Variants in CCDC158 observed in about 807,000 individuals in gnomAD.
CCDC158 encodes the protein coiled-coil domain containing 158.
A neutral mutation model predicts 138.6 loss-of-function variants in CCDC158; 116 were observed. The observed-to-expected ratio is 0.84, with a 90% CI of 0.72 to 0.98. The LOEUF (loss-of-function observed/expected upper bound fraction) is 0.98. CCDC158 is among the 50% of genes least tolerant of loss of function. The pLI, the probability that CCDC158 is intolerant of heterozygous loss-of-function variation, is 0.00. For missense variants in CCDC158, 1,265 were observed against 1,306.1 expected (o/e 0.97, Z 0.48); for synonymous variants, 436 against 442.4 (o/e 0.99, Z 0.18).
intron 9 of CCDC158, among the ~76,000 whole-genome samples, chr4:76,371,766 CG>C (rs1269110608): frequency 6.6e-6 from 1 of 151,942 alleles, no homozygotes; most frequent in Non-Finnish European, 1.5e-5. Flanking sequence ...GGCAAAATCC[CG>C]TCTCTACTAA....
At chr4:76,330,626 A>C (rs998378625) in intron 21 of CCDC158, among the ~76,000 whole-genome samples, 1 of 152,196 alleles carries the variant, frequency 6.6e-6, no homozygotes, top group Non-Finnish European at 1.5e-5. Flanking sequence ...TCTATACTGA[A>C]CATGTACAGG....
At chr4:76,324,279 C>T (rs1720320136) in intron 23 of CCDC158, among the ~76,000 whole-genome samples, 1 of 151,712 alleles carries the variant, frequency 6.6e-6, no homozygotes. Flanking sequence ...CCTCTGCCTC[C>T]CGGGTTCAAG....
Position 76,313,204 on chromosome 4 carries a change from T to G in CCDC158, c.3320A>C (p.Lys1107Thr). 2 of 1,609,398 alleles carry G rather than the reference T, an allele frequency of 1.2e-6. No individual in the cohort carries two copies. Among genetic ancestry groups the G allele is most frequent in the Non-Finnish European group, 1.7e-6 (2 of 1,177,420 alleles). The change falls in exon 25 of 25, where the codon AAA becomes ACA. Residue 1107 changes from lysine (K) to threonine (T), a missense_variant. Physicochemically the swap from Lys to Thr is moderately conservative, Grantham distance 78. Coordinates refer to ENST00000682701, the MANE Select transcript of CCDC158 (RefSeq NM_001394954.1). ...TAACATTTTTTCCTGGTCTTTTACTTTCTGTATCCTCTTTTCTTGATTTCT... is the reference window on the plus strand; with the variant it reads ...TAACATTTTTTCCTGGTCTTTTACTGTCTGTATCCTCTTTTCTTGATTTCT... Reference protein sequence around the residue: ...MIRNQEKRIQKVKDQEKMLLK With the variant: ...MIRNQEKRIQTVKDQEKMLLK
intron 16 of CCDC158, chr4:76,352,481 T>G (rs938035709): frequency 6.6e-6 from 1 of 152,176 alleles, no homozygotes; most frequent in Non-Finnish European, 1.5e-5. Context: ...ATAGCATGTT[T>G]TAAGAAACAA....
chr4:76,420,304 A>G (rs1730012999), intron 1 of CCDC158, among the ~76,000 whole-genome samples: 1 of 152,174 alleles, frequency 6.6e-6, no homozygotes, highest in Non-Finnish European at 1.5e-5. Context: ...TGAGAGAAGC[A>G]GCAAGAACTG....
chr4:76,364,680 G>A (rs17001811), intron 12 of CCDC158, among the ~76,000 whole-genome samples: 4,635 of 152,104 alleles, frequency 0.03, 218 homozygotes, highest in African/African-American at 0.1. Flanking sequence ...AGATCCTTCC[G>A]AATAAGTGAC....
chr4:76,381,650 T>A (rs1037249902), intron 8 of CCDC158, among the ~76,000 whole-genome samples: 1 of 152,150 alleles, frequency 6.6e-6, no homozygotes, highest in Non-Finnish European at 1.5e-5. Context: ...CTTAAATGAG[T>A]TAAGACTAGG....
chr4:76,364,702 A>T (rs1168952540), intron 12 of CCDC158, among the ~76,000 whole-genome samples: 1 of 152,234 alleles, frequency 6.6e-6, no homozygotes, highest in Non-Finnish European at 1.5e-5. Context: ...TTTGAAAAAA[A>T]TATTGACTTT....
chr4:76,336,041 G>T (rs1400114248), intron 18 of CCDC158, among the ~76,000 whole-genome samples: 1 of 151,418 alleles, frequency 6.6e-6, no homozygotes, highest in Non-Finnish European at 1.5e-5. Context: ...AATTAGCCGG[G>T]CATGGTGGCA....
chr4:76,417,408 G>C (rs1729783985), intron 1 of CCDC158, among the ~76,000 whole-genome samples: 1 of 152,176 alleles, frequency 6.6e-6, no homozygotes, highest in Non-Finnish European at 1.5e-5. Flanking sequence ...GACTTTGGGG[G>C]ACTACTGGTA....
intron 13 of CCDC158, among the ~76,000 whole-genome samples, chr4:76,361,727 C>T (rs1724167457): frequency 6.6e-6 from 1 of 152,172 alleles, no homozygotes; most frequent in Non-Finnish European, 1.5e-5. Context: ...TCACATGTCA[C>T]TTCATTAGTA....
chr4:76,366,390 A>G (rs1405179413), intron 12 of CCDC158, among the ~76,000 whole-genome samples: 4 of 152,240 alleles, frequency 2.6e-5, no homozygotes, highest in Non-Finnish European at 4.4e-5. Flanking sequence ...CATCTACAGT[A>G]TATGTGATTT....
At chr4:76,394,749 A>C (rs1727621859) in intron 4 of CCDC158, among the ~76,000 whole-genome samples, 1 of 151,956 alleles carries the variant, frequency 6.6e-6, no homozygotes, top group African/African-American at 2.4e-5. Flanking sequence ...TACTCCATAA[A>C]TATATATACC....
intron 18 of CCDC158, chr4:76,345,190 T>A (rs1304764778): frequency 1.0e-6 from 1 of 974,344 alleles, no homozygotes; most frequent in Non-Finnish European, 1.7e-6. Flanking sequence ...GTTGCTGTGC[T>A]ATTTGACAAA....
At chr4:76,332,379 C>G in intron 20 of CCDC158, 53 bp downstream of exon 20, 1 of 1,412,246 alleles carries the variant, frequency 7.1e-7, no homozygotes, top group South Asian at 1.2e-5. Context: ...TACAAGGCCA[C>G]ATATAAAATA....
intron 11 of CCDC158, among the ~76,000 whole-genome samples, chr4:76,369,058 A>C (rs1425777315): frequency 6.6e-6 from 1 of 151,894 alleles, no homozygotes; most frequent in Non-Finnish European, 1.5e-5. Flanking sequence ...TACTAAAACT[A>C]CAAAAAATTA....
At chr4:76,386,366 T>A (rs556446828) in intron 4 of CCDC158, among the ~76,000 whole-genome samples, 2 of 79,316 alleles carry the variant, frequency 2.5e-5, no homozygotes, top group East Asian at 1.2e-3. Flanking sequence ...AAATATCCTC[T>A]CCTTAGGGTG....
intron 3 of CCDC158, among the ~76,000 whole-genome samples, chr4:76,399,570 G>A (rs1239611463): frequency 6.6e-6 from 1 of 152,150 alleles, no homozygotes; most frequent in Non-Finnish European, 1.5e-5. Flanking sequence ...TGGAATACTG[G>A]GAGCAAAAGC....
chr4:76,343,351 C>T (rs1308254411), intron 18 of CCDC158, among the ~76,000 whole-genome samples: 8 of 152,126 alleles, frequency 5.3e-5, no homozygotes, highest in Non-Finnish European at 5.9e-5. Context: ...TTACATAAAG[C>T]TTTGGATAGC....
Sources: allele counts gnomAD v4.1 joint callset (sites outside exome capture counted in the v4.1 genomes callset), GRCh38; gene constraint gnomAD v4.1.1; transcripts MANE v1.5; gene names NCBI Gene and HGNC (gene_info 2026-07-23, HGNC 2026-07-21).